Variants in DUSP16 observed in about 807,000 individuals in gnomAD.
The protein encoded by DUSP16 is dual specificity phosphatase 16.
In DUSP16, 21 loss-of-function variants were observed where a neutral mutation model predicts 58.3. The ratio of observed to expected loss-of-function variants is 0.36; its 90% CI spans 0.26 to 0.52. The LOEUF is 0.52. Among genes scored for constraint, DUSP16 ranks in the 20% least tolerant of loss-of-function variants. The pLI, the probability that DUSP16 is intolerant of heterozygous loss-of-function variation, is 0.94. For synonymous variants in DUSP16, 320 were observed against 323.8 expected (o/e 0.99, Z 0.12); for missense variants, 726 against 819.0 (o/e 0.89, Z 1.39).
intron 4 of DUSP16, among the ~76,000 whole-genome samples, chr12:12,497,910 C>T (rs893274045): frequency 6.6e-6 from 1 of 151,982 alleles, no homozygotes; most frequent in Non-Finnish European, 1.5e-5. Context: ...GGGGAGGTTG[C>T]AGTGAGCCGA....
intron 1 of DUSP16, among the ~76,000 whole-genome samples, chr12:12,545,185 A>G (rs964563167): frequency 3.3e-5 from 5 of 152,234 alleles, no homozygotes; most frequent in Non-Finnish European, 5.9e-5. Flanking sequence ...AACAGCATCT[A>G]AACATTTCAT....
intron 1 of DUSP16, among the ~76,000 whole-genome samples, chr12:12,534,019 A>G (rs1944429658): frequency 6.6e-6 from 1 of 152,240 alleles, no homozygotes; most frequent in African/African-American, 2.4e-5. Context: ...CACACAAACT[A>G]AAACGGGTAA....
At chr12:12,482,418 T>A (rs895632047) in intron 5 of DUSP16, among the ~76,000 whole-genome samples, 13 of 152,238 alleles carry the variant, frequency 8.5e-5, no homozygotes, top group Non-Finnish European at 1.6e-4. Flanking sequence ...CCACAACTCT[T>A]TTGATGACGT....
At chr12:12,525,944 T>C (rs376166635) in intron 1 of DUSP16, among the ~76,000 whole-genome samples, 3 of 152,158 alleles carry the variant, frequency 2.0e-5, no homozygotes, top group East Asian at 1.9e-4. Flanking sequence ...TAAAATGTGA[T>C]GGTGAACATT....
At chr12:12,513,020 A>G (rs1294030842) in intron 3 of DUSP16, among the ~76,000 whole-genome samples, 1 of 152,260 alleles carries the variant, frequency 6.6e-6, no homozygotes. Context: ...GTATACATTT[A>G]TTACACAGAA....
At chr12:12,552,619 T>C (rs1161105287) in intron 1 of DUSP16, among the ~76,000 whole-genome samples, 2 of 152,130 alleles carry the variant, frequency 1.3e-5, no homozygotes, top group Admixed American at 6.5e-5. Flanking sequence ...TCACAACAGA[T>C]TGAATACAGG....
At chr12:12,542,388 GAAAAAAAAAA>G (rs56822339) in intron 1 of DUSP16, among the ~76,000 whole-genome samples, 33 of 109,706 alleles carry the variant, frequency 3.0e-4, no homozygotes, top group South Asian at 6.1e-4. Flanking sequence ...AAAGAAAAGA[GAAAAAAAAAA>G]AAAAAAAAAA....
chr12:12,551,630 T>C (rs1944728946), intron 1 of DUSP16, among the ~76,000 whole-genome samples: 2 of 152,062 alleles, frequency 1.3e-5, no homozygotes. Flanking sequence ...TGACTGTGAT[T>C]TGCTTAATAT....
At chr12:12,514,372 C>T (rs1411507093) in intron 3 of DUSP16, among the ~76,000 whole-genome samples, 4 of 152,198 alleles carry the variant, frequency 2.6e-5, no homozygotes, top group African/African-American at 9.7e-5. Flanking sequence ...ACCCTGAAAC[C>T]TTCTGCAGAT....
rs776163876 is a variant in DUSP16 at position 12,478,024 on chromosome 12, A to C, written c.816-9T>G. On this transcript the variant is annotated splice_polypyrimidine_tract_variant and intron_variant, in intron 6 of 6. Coordinates refer to ENST00000298573, the MANE Select transcript of DUSP16 (RefSeq NM_030640.3). ...TTTTTTCTTTCACAAATCTGCAGAG[A>C]GAGGAAAAAACAAAAACCCGAATTT... is the stretch of plus-strand genomic sequence containing the variant. 6.4e-7 allele frequency: 1 copy of C among 1,554,044 alleles called. No individual in the cohort carries two copies. The highest frequency in any genetic ancestry group is 1.2e-5 in the South Asian group (1 of 82,934).
intron 3 of DUSP16, among the ~76,000 whole-genome samples, chr12:12,518,060 G>T (rs532590443): frequency 1.9e-4 from 29 of 152,346 alleles, no homozygotes; most frequent in African/African-American, 6.7e-4. Context: ...AGTAGCTAAA[G>T]CACCTGTGCT....
rs1346872706 is a variant in DUSP16 at position 12,475,913 on chromosome 12, TTATTTA to T, written c.*914_*919del. ...ATTTGGCTTGAAACCAAGTTCATCT[TTATTTA>T]AAGGATTGACAATCCCATTTTAAAC... is the stretch of plus-strand genomic sequence containing the variant. On this transcript the variant is annotated 3_prime_UTR_variant, in exon 7 of 7. Coordinates refer to ENST00000298573, the MANE Select transcript of DUSP16 (RefSeq NM_030640.3). 6.6e-6 allele frequency: 1 copy of T among 152,240 alleles called. No individual in the cohort carries two copies. Among genetic ancestry groups the T allele is most frequent in the African/African-American group, 2.4e-5 (1 of 41,466 alleles). The allele number at this position is 152,240 out of a possible 1,614,324, so 9.4% of individuals were successfully genotyped here. A position where few individuals can be genotyped will look rare whatever the true frequency, so the allele number is the denominator to read the frequency against.
rs1316183816 is a variant in DUSP16, at chr12:12,476,817, AC to A, written c.*15del. 6.4e-7 allele frequency: 1 copy of A among 1,559,594 alleles called. No individual in the cohort carries two copies. The highest frequency in any genetic ancestry group is 8.6e-7 in the Non-Finnish European group (1 of 1,160,492). ...GAAAAAAAAATTGTCTATAGAAGTC[AC>A]AAGTGTCTTTCTTCTCAGGAGACCT... On this transcript the variant is annotated 3_prime_UTR_variant, in exon 7 of 7. Transcript: ENST00000298573.
In DUSP16 at chr12:12,476,147, G is replaced by A. The variant is rs1174896691; in HGVS notation, c.*686C>T. The A allele has an allele frequency of 3.3e-5, 5 of 152,622 alleles. No homozygotes were observed. The highest frequency in any genetic ancestry group is 1.2e-4 in the African/African-American group (5 of 41,440). The allele number at this position is 152,622 out of a possible 1,614,324, so 9.5% of individuals were successfully genotyped here. Reference sequence around the variant, plus strand: ...GACAGTTTGAATTGGTCTGAAAAGTGTGACTAGCTACCTACCTATTCACAA... The same window carrying A: ...GACAGTTTGAATTGGTCTGAAAAGTATGACTAGCTACCTACCTATTCACAA... On this transcript the variant is annotated 3_prime_UTR_variant, in exon 7 of 7. Coordinates refer to ENST00000298573, the MANE Select transcript of DUSP16 (RefSeq NM_030640.3).
intron 1 of DUSP16, among the ~76,000 whole-genome samples, chr12:12,538,994 T>C (rs1944510723): frequency 6.6e-6 from 1 of 152,198 alleles, no homozygotes; most frequent in South Asian, 2.1e-4. Context: ...ATTAAAATCA[T>C]CTGGGAGCTC....
In DUSP16 at chr12:12,520,972, A is replaced by T; in HGVS notation, c.127T>A (p.Leu43Met). 1 of 1,614,256 alleles carries T rather than the reference A, an allele frequency of 6.2e-7. No individual in the cohort carries two copies. The highest frequency in any genetic ancestry group is 8.5e-7 in the Non-Finnish European group (1 of 1,180,044). The change falls in exon 2 of 7, where the codon TTG becomes ATG. Residue 43 changes from leucine to methionine, a missense_variant. Leu to Met is a conservative substitution (Grantham distance 15, BLOSUM62 2). Transcript: ENST00000298573. The part of the protein sequence containing the change: ...PFVEYNTSHI[L>M]EAININCSKL... ...GAGCAGTTGATATTAATGGCTTCCA[A>T]AATGTGGGATGTATTGTATTCCACA...
intron 4 of DUSP16, among the ~76,000 whole-genome samples, chr12:12,494,433 T>G (rs980879072): frequency 1.3e-5 from 2 of 152,182 alleles, no homozygotes; most frequent in African/African-American, 4.8e-5. Flanking sequence ...CACTGAGGGA[T>G]GAATAGTCTA....
intron 2 of DUSP16, 76 bp downstream of exon 2, chr12:12,520,795 G>A: frequency 1.3e-6 from 2 of 1,535,892 alleles, no homozygotes; most frequent in Non-Finnish European, 1.8e-6. Context: ...TCTACTTAAA[G>A]AGGAGGCTTC....
chr12:12,483,625 C>T (rs1367856122), intron 5 of DUSP16, among the ~76,000 whole-genome samples: 3 of 151,622 alleles, frequency 2.0e-5, no homozygotes, highest in Non-Finnish European at 4.4e-5. Context: ...CATGCAGTCA[C>T]GAGTTTGGCA....
Sources: allele counts gnomAD v4.1 joint callset (sites outside exome capture counted in the v4.1 genomes callset), GRCh38; gene constraint gnomAD v4.1.1; transcripts MANE v1.5; gene names NCBI Gene and HGNC (gene_info 2026-07-23, HGNC 2026-07-21).